FLNA: variants seen among roughly 807,000 people sequenced by gnomAD.
FLNA encodes the protein filamin A.
A neutral mutation model predicts 157.6 loss-of-function variants in FLNA; 7 were observed. That is an observed-to-expected ratio of 0.04 (90% CI 0.03 to 0.08). The LOEUF (loss-of-function observed/expected upper bound fraction) is 0.08. Among genes scored for constraint, FLNA ranks in the 10% least tolerant of loss-of-function variants. The pLI is 1.00. For missense variants in FLNA, 1,750 were observed against 2,398.4 expected (o/e 0.73, Z 5.65); for synonymous variants, 1,103 against 1,060.8 (o/e 1.04, Z -0.77).
At position 154,362,062 on chromosome X, in the gene FLNA, T is replaced by A; in HGVS notation, c.2743A>T (p.Thr915Ser). ...ACATCTCGCACTGCATCCCCCTTGG[T>A]GAGTCCTGAGAACTGGACGTCCAGC... Reference protein sequence around the residue: ...GKLDVQFSGLTKGDAVRDVDI... With the variant: ...GKLDVQFSGLSKGDAVRDVDI... Residue 915 changes from threonine (T) to serine (S), a missense_variant, in exon 19 of 48, where the codon ACC (threonine) becomes TCC (serine). Physicochemically the swap from Thr to Ser is moderately conservative, Grantham distance 58 (BLOSUM62 1). Transcript: ENST00000369850. 1 of 1,210,794 alleles carries A rather than the reference T, an allele frequency of 8.3e-7. No homozygotes were observed. The highest frequency in any genetic ancestry group is 1.1e-6 in the Non-Finnish European group (1 of 894,787).
Position 154,366,144 on chromosome X carries a change from G to A in FLNA, c.1309C>T (p.Arg437Trp), listed in dbSNP as rs863223644. The A allele has an allele frequency of 8.3e-6, 10 of 1,209,046 alleles. No homozygotes were observed. Among genetic ancestry groups the A allele is most frequent in the East Asian group, 5.9e-5 (2 of 33,781 alleles). The change falls in exon 9 of 48, where the codon CGG becomes TGG. Residue 437 changes from arginine (R) to tryptophan (W), a missense_variant. Around this residue, in one of 5 missense-constraint regions of FLNA, gnomAD observed 648 missense variants for 805.8 expected, o/e 0.80. Coordinates refer to ENST00000369850, the MANE Select transcript of FLNA (RefSeq NM_001110556.2). ...CTGCAGCGGTATGTGCTGTCGCCCCGGGCCTCCAGCTGAGGCTCTACCGTG... is the reference window on the plus strand; with the variant it reads ...CTGCAGCGGTATGTGCTGTCGCCCCAGGCCTCCAGCTGAGGCTCTACCGTG... ...KGTVEPQLEA[R>W]GDSTYRCSYQ...
In FLNA at chrX:154,358,081, C is replaced by G. The variant is rs1301571810; in HGVS notation, c.4755+118G>C. On this transcript the variant is annotated intron_variant, in intron 28 of 47. Transcript: ENST00000369850. The stretch of plus-strand genomic sequence containing the variant: ...CCTTAGCAAACCAAAGACAGGGGCC[C>G]TGTCCTTCCCTGCCCTCCTTGGTGC... 6 of 849,930 alleles carry G rather than the reference C, an allele frequency of 7.1e-6. No homozygotes were observed. The African/African-American group carries it at 1.2e-4, about 17-fold the overall frequency. The allele number at this position is 849,930 out of a possible 1,213,427, so 70.0% of individuals were successfully genotyped here.
Position 154,352,841 on chromosome X carries a change from C to T in FLNA, c.6310G>A (p.Val2104Ile), listed in dbSNP as rs782722036. ...CCTGGCTCTGTGGGGCAGTAGGTGA[C>T]CCTGCACGTCCCGTCCTCCAGGTCC... ...TEDLEDGTCR[V>I]TYCPTEPGNY... Residue 2104 changes from valine to isoleucine, a missense_variant, in exon 39 of 48, where the codon GTC becomes ATC. Physicochemically the swap from Val to Ile is conservative, Grantham distance 29. Transcript: ENST00000369850. 1 of 1,211,219 alleles carries T rather than the reference C, an allele frequency of 8.3e-7. No homozygotes were observed. The highest frequency in any genetic ancestry group is 1.1e-6 in the Non-Finnish European group (1 of 895,192).
At chrX:154,355,099 G>A (rs1557176669) in intron 30 of FLNA, 27 bp from the exon 31 acceptor site, 3 of 1,193,183 alleles carry the variant, frequency 2.5e-6, no homozygotes, top group Non-Finnish European at 3.4e-6. Flanking sequence ...GGTCCCCAAA[G>A]GGGGGCCAGC....
Position 154,348,744 on chromosome X carries a change from AGGCG to A in FLNA, c.*101_*104del. 2.7e-6 allele frequency: 2 copies of A among 738,727 alleles called. No homozygotes were observed. The highest frequency in any genetic ancestry group is 3.9e-6 in the Non-Finnish European group (2 of 516,266). The allele number at this position is 738,727 out of a possible 1,213,427, so 60.9% of individuals were successfully genotyped here. A position where few individuals can be genotyped will look rare whatever the true frequency, so the allele number is the denominator to read the frequency against. ...ACAGGGCAGGGGCGGCTGCAGTGAC[AGGCG>A]GGCGGCCAGGGCGGCCTGGGCCGGG... On this transcript the variant is annotated 3_prime_UTR_variant, in exon 48 of 48. Coordinates refer to ENST00000369850, the MANE Select transcript of FLNA (RefSeq NM_001110556.2).
chrX:154,353,661 C>T lies in FLNA; in HGVS notation c.5753G>A (p.Gly1918Glu), dbSNP rs373862172. ...AGGCAGGTAGGACACGCTGCATGTC[C>T]CATCCTGGTTGTCAGTGCAGCTGAT... ...AEISCTDNQDGTCSVSYLPVL... is the reference protein window; with the variant it reads ...AEISCTDNQDETCSVSYLPVL... Residue 1918 changes from glycine (G) to glutamate (E), a missense_variant, in exon 36 of 48, where the codon GGG (glycine) becomes GAG (glutamate). This residue lies in a region of FLNA where 970 missense variants were observed against 1,302.6 expected (regional missense o/e 0.74). Coordinates refer to ENST00000369850, the MANE Select transcript of FLNA (RefSeq NM_001110556.2). 2 of 1,210,539 alleles carry T rather than the reference C, an allele frequency of 1.7e-6. No individual in the cohort carries two copies. Among genetic ancestry groups the T allele is most frequent in the African/African-American group, 1.7e-5 (1 of 57,606 alleles).
chrX:154,362,796 AG>A lies in FLNA; in HGVS notation c.2281-13del, dbSNP rs781986026. ...GCTCCCACATTCACCTGCAGGGCAC[AG>A]GGGCAAGGGCAAGGGCATGAGCAGC... is the stretch of plus-strand genomic sequence containing the variant. On this transcript the variant is annotated splice_polypyrimidine_tract_variant and intron_variant, in intron 15 of 47. Transcript: ENST00000369850. The A allele has an allele frequency of 1.9e-5, 23 of 1,191,808 alleles. No individual in the cohort carries two copies. Among genetic ancestry groups the A allele is most frequent in the Non-Finnish European group, 2.6e-5 (23 of 886,083 alleles).
In FLNA at chrX:154,353,083, A is replaced by T. The variant is rs1295592293; in HGVS notation, c.6144T>A (p.Ser2048Arg). Residue 2048 changes from serine to arginine, a missense_variant, in exon 38 of 48, where the codon AGT becomes AGA. Ser to Arg is a moderately radical substitution (Grantham distance 110). Transcript: ENST00000369850. ...GGCCCTGACCAGAGACCCGAACACGACTGGCATCCCCAATTTCCGACTGGC... is the reference window on the plus strand; with the variant it reads ...GGCCCTGACCAGAGACCCGAACACGTCTGGCATCCCCAATTTCCGACTGGC... ...VISQSEIGDA[S>R]RVRVSGQGLH... is the part of the protein sequence containing the mutation. 6 of 1,209,773 alleles carry T rather than the reference A, an allele frequency of 5.0e-6. No individual in the cohort carries two copies. In the African/African-American group the frequency reaches 1.0e-4, roughly 21 times the overall value.
chrX:154,361,969 G>T lies in FLNA; in HGVS notation c.2826+10C>A. ...GGGGACTCGGTGACTGTAGTGGAGG[G>T]TGTGGCTACCTGCTGGACAGGCGTG... On this transcript the variant is annotated intron_variant, in intron 19 of 47. Coordinates refer to ENST00000369850, the MANE Select transcript of FLNA (RefSeq NM_001110556.2). 1 of 1,209,395 alleles carries T rather than the reference G, an allele frequency of 8.3e-7. No individual in the cohort carries two copies. The highest frequency in any genetic ancestry group is 1.7e-5 in the African/African-American group (1 of 57,632).
Position 154,350,275 on chromosome X carries a change from G to C in FLNA, c.7157-68C>G, listed in dbSNP as rs781835405. 27 of 1,026,420 alleles carry C rather than the reference G, an allele frequency of 2.6e-5. No homozygotes were observed. In the African/African-American group the frequency reaches 4.4e-4, roughly 17 times the overall value. The allele number at this position is 1,026,420 out of a possible 1,213,427, so 84.6% of individuals were successfully genotyped here. On this transcript the variant is annotated intron_variant, in intron 44 of 47. Coordinates refer to ENST00000369850, the MANE Select transcript of FLNA (RefSeq NM_001110556.2). ...CAAACCAGCAGATGGTGTCTGTGAG[G>C]AACAGCCTCAACCCTGGCCCTCCCC...
At chrX:154,352,068 C>T (rs781793448) in intron 41 of FLNA, 47 bp from the exon 42 acceptor site, 8 of 1,208,454 alleles carry the variant, frequency 6.6e-6, no homozygotes, top group South Asian at 5.3e-5. Context: ...TCACCAGCCT[C>T]GGCCCCCTCC....
Position 154,364,366 on chromosome X carries a change from C to A in FLNA, c.2029G>T (p.Ala677Ser), listed in dbSNP as rs1311379577. Residue 677 changes from alanine to serine, a missense_variant, in exon 14 of 48, where the codon GCA (alanine) becomes TCA (serine). By Grantham distance (99) the Ala-to-Ser change is moderately conservative. Coordinates refer to ENST00000369850, the MANE Select transcript of FLNA (RefSeq NM_001110556.2). ...GTCTTCTCCAATCCAGGCCCACGTG[C>A]CTTCACCTAGCGGGAGACCACCCAG... Reference protein sequence around the residue: ...PQDFHPDRVKARGPGLEKTGV... With the variant: ...PQDFHPDRVKSRGPGLEKTGV... 1.7e-6 allele frequency: 2 copies of A among 1,207,633 alleles called. No homozygotes were observed. The highest frequency in any genetic ancestry group is 2.2e-6 in the Non-Finnish European group (2 of 893,894).
chrX:154,366,913 C>T, intron 5 of FLNA, 63 bp from the exon 6 acceptor site: 1 of 896,956 alleles, frequency 1.1e-6, no homozygotes, highest in Non-Finnish European at 1.6e-6. Flanking sequence ...ACCCCTCCAC[C>T]CTTCAGCCCT....
intron 2 of FLNA, among the ~76,000 whole-genome samples, chrX:154,369,851 G>A (rs964829814): frequency 8.9e-6 from 1 of 112,204 alleles, no homozygotes; most frequent in Non-Finnish European, 1.9e-5. Context: ...TGAGTGGCTG[G>A]GGGAACCCAA....
chrX:154,368,156 G>T, intron 2 of FLNA, 66 bp from the exon 3 acceptor site: 1 of 1,205,596 alleles, frequency 8.3e-7, no homozygotes, highest in South Asian at 1.8e-5. Context: ...CCAGGCTTTG[G>T]GGTCAGGGTC....
Position 154,361,466 on chromosome X carries a change from G to A in FLNA, c.3049C>T (p.Pro1017Ser), listed in dbSNP as rs2067710925. The A allele has an allele frequency of 1.7e-6, 2 of 1,208,863 alleles. No homozygotes were observed. Among genetic ancestry groups the A allele is most frequent in the African/African-American group, 1.8e-5 (1 of 56,916 alleles). ...KIVGPSGAAV[P>S]CKVEPGLGAD... ...CCCAGGCCTGGCTCCACCTTGCAGG[G>A]CACCGCTGCACCCGAGGGGCCCACA... Residue 1017 changes from proline (P) to serine (S), a missense_variant, in exon 21 of 48, where the codon CCC becomes TCC. By Grantham distance (74) the Pro-to-Ser change is moderately conservative. Coordinates refer to ENST00000369850, the MANE Select transcript of FLNA (RefSeq NM_001110556.2).
rs781878852 is a variant in FLNA, at chrX:154,350,020, G to A, written c.7333+11C>T. The A allele has an allele frequency of 4.0e-5, 48 of 1,210,320 alleles. No homozygotes were observed. Among genetic ancestry groups the A allele is most frequent in the Non-Finnish European group, 4.8e-5 (43 of 894,475 alleles). On this transcript the variant is annotated intron_variant, in intron 45 of 47. Coordinates refer to ENST00000369850, the MANE Select transcript of FLNA (RefSeq NM_001110556.2). ...CTGTGTGCACACGTGCAGCCGCACC[G>A]ACAGACTTACCTGTGACACCGCCTT...
chrX:154,365,923 G>T, intron 9 of FLNA, 101 bp downstream of exon 9: 1 of 810,418 alleles, frequency 1.2e-6, no homozygotes, highest in African/African-American at 2.0e-5. Flanking sequence ...AAGAGTAGGG[G>T]CCCCGGGGCG....
At position 154,353,172 on chromosome X, in the gene FLNA, G is replaced by A; in HGVS notation, c.6055C>T (p.His2019Tyr). ...ISFVPKETGEHLVHVKKNGQH... is the reference protein window; with the variant it reads ...ISFVPKETGEYLVHVKKNGQH... ...CCATTTTTCTTCACATGCACCAGGT[G>A]CTCCCCCGTCTCCTTGGGCACGAAT... The change falls in exon 38 of 48, where the codon CAC becomes TAC. Residue 2019 changes from histidine to tyrosine, a missense_variant. This residue lies in a region of FLNA where 970 missense variants were observed against 1,302.6 expected (regional missense o/e 0.74). Transcript: ENST00000369850. 8.3e-7 allele frequency: 1 copy of A among 1,211,561 alleles called. No homozygotes were observed. The highest frequency in any genetic ancestry group is 1.1e-6 in the Non-Finnish European group (1 of 895,483).
Sources: gnomAD v4.1 joint callset for allele counts (sites outside exome capture counted in the v4.1 genomes callset) on GRCh38, gnomAD v4.1.1 for gene constraint, gnomAD v4.1.1 regional missense constraint, MANE v1.5 for transcripts, NCBI Gene and HGNC (gene_info 2026-07-23, HGNC 2026-07-21) for gene names.